USP6NL: variants seen among roughly 807,000 people sequenced by gnomAD.
USP6NL encodes USP6 N-terminal-like protein.
Under a neutral mutation model 61.9 loss-of-function variants are expected in USP6NL, and 26 were observed. The ratio of observed to expected loss-of-function variants is 0.42; its 90% CI spans 0.31 to 0.58. The LOEUF is 0.58. Among genes scored for constraint, USP6NL ranks in the 20% least tolerant of loss-of-function variants. The pLI, the probability that USP6NL is intolerant of heterozygous loss-of-function variation, is 0.16. For synonymous variants in USP6NL, 432 were observed against 390.1 expected (o/e 1.11, Z -1.27); for missense variants, 1,114 against 1,034.3 (o/e 1.08, Z -1.06).
At position 11,520,327 on chromosome 10, in the gene USP6NL, T is replaced by C. The variant is rs1357509237; in HGVS notation, c.156-1753A>G. Among the ~76,000 whole-genome samples, 3 of 152,248 alleles carry C rather than the reference T, an allele frequency of 2.0e-5. No homozygotes were observed. The highest frequency in any genetic ancestry group is 6.5e-5 in the Admixed American group (1 of 15,292). ...GCTTTCCTATACAGATGTTCTGGCATGATTTCTCCATATCTAAAACTTTTC... is the reference window on the plus strand; with the variant it reads ...GCTTTCCTATACAGATGTTCTGGCACGATTTCTCCATATCTAAAACTTTTC... On this transcript the variant is annotated intron_variant, in intron 4 of 14. Transcript: ENST00000609104. This position sits in a 1 kb window ranked among gnomAD's most constrained non-coding sequence, Gnocchi z 5.2.
chr10:11,518,507 C>T lies in USP6NL; in HGVS notation c.195+28G>A, dbSNP rs1284198304. ...TCTAATAAAGGCAATTCACCAGTAA[C>T]TGTAAATACATCAAGAGCAGGACTT... On this transcript the variant is annotated intron_variant, in intron 5 of 14. Coordinates refer to ENST00000609104, the MANE Select transcript of USP6NL (RefSeq NM_014688.5). The surrounding 1 kb of genome is among the most constrained non-coding windows in gnomAD (Gnocchi z 5.3). The T allele has an allele frequency of 6.2e-7, 1 of 1,604,316 alleles. No homozygotes were observed. The highest frequency in any genetic ancestry group is 2.2e-5 in the East Asian group (1 of 44,856).
intron 2 of USP6NL, among the ~76,000 whole-genome samples, chr10:11,579,781 A>G (rs1837677796): frequency 6.6e-6 from 1 of 152,038 alleles, no homozygotes; most frequent in South Asian, 2.1e-4. Flanking sequence ...CTAGATCTAC[A>G]GTCTGCAAAC....
At chr10:11,479,565 G>GT (rs398054117) in intron 14 of USP6NL, among the ~76,000 whole-genome samples, 21,397 of 129,518 alleles carry the variant, frequency 0.17, 1,797 homozygotes, top group Non-Finnish European at 0.21. Context: ...TCATGTAGGT[G>GT]TTTTTTTTTT....
At position 11,598,731 on chromosome 10, in the gene USP6NL, A is replaced by G. The variant is rs376442110; in HGVS notation, c.-83-1014T>C. Among the ~76,000 whole-genome samples, 11 of 152,328 alleles carry G rather than the reference A, an allele frequency of 7.2e-5. No individual in the cohort carries two copies. The East Asian group carries it at 1.5e-3, about 21-fold the overall frequency. On this transcript the variant is annotated intron_variant, in intron 1 of 14. Transcript: ENST00000609104. The surrounding 1 kb of genome is among the most constrained non-coding windows in gnomAD (Gnocchi z 4.7). ...AGAAAACAGTATACTACTACTAGAGACCTCTGCTTTAGAATCAAAGTTAGG... is the reference window on the plus strand; with the variant it reads ...AGAAAACAGTATACTACTACTAGAGGCCTCTGCTTTAGAATCAAAGTTAGG...
Position 11,482,538 on chromosome 10 carries a change from T to C in USP6NL, c.926-616A>G, listed in dbSNP as rs1010178937. Among the ~76,000 whole-genome samples the C allele has an allele frequency of 3.3e-5, 5 of 152,240 alleles. No homozygotes were observed. Among genetic ancestry groups the C allele is most frequent in the African/African-American group, 1.2e-4 (5 of 41,466 alleles). ...CCAGGTATTTACAAGTGTTTATGTA[T>C]ATCAATTGAAGAATCCAAATTATAC... is the stretch of plus-strand genomic sequence containing the variant. On this transcript the variant is annotated intron_variant, in intron 13 of 14. Transcript: ENST00000609104. This position sits in a 1 kb window ranked among gnomAD's most constrained non-coding sequence, Gnocchi z 4.0.
At chr10:11,567,670 T>C (rs1268471031) in intron 2 of USP6NL, among the ~76,000 whole-genome samples, 1 of 152,184 alleles carries the variant, frequency 6.6e-6, no homozygotes, top group Admixed American at 6.5e-5. Flanking sequence ...AACAAATTAT[T>C]AGCCATCTAA....
chr10:11,610,170 A>G (rs1450502809), intron 1 of USP6NL, among the ~76,000 whole-genome samples: 1 of 152,178 alleles, frequency 6.6e-6, no homozygotes, highest in Non-Finnish European at 1.5e-5. Context: ...TACTTTTATT[A>G]GTATAATTTT....
chr10:11,489,112 A>C lies in USP6NL; in HGVS notation c.654T>G (p.His218Gln), dbSNP rs1426722202. The C allele has an allele frequency of 6.2e-7, 1 of 1,613,762 alleles. No homozygotes were observed. The highest frequency in any genetic ancestry group is 1.1e-5 in the South Asian group (1 of 91,046). Residue 218 changes from histidine (H) to glutamine (Q), a missense_variant, in exon 10 of 15, where the codon CAT (histidine) becomes CAG (glutamine). Physicochemically the swap from His to Gln is conservative, Grantham distance 24 (BLOSUM62 0). Transcript: ENST00000609104. This position sits in a 1 kb window ranked among gnomAD's most constrained non-coding sequence, Gnocchi z 5.7. ...ALVKLFSGPK[H>Q]AMHGFFVQGF... Reference sequence around the variant, plus strand: ...ACAGGGTTTTCTTACCATGCATGGCATGTTTAGGGCCTGAGAAGAGTTTGA... The same window carrying C: ...ACAGGGTTTTCTTACCATGCATGGCCTGTTTAGGGCCTGAGAAGAGTTTGA...
At chr10:11,572,828 G>A (rs943908715) in intron 2 of USP6NL, among the ~76,000 whole-genome samples, 4 of 152,016 alleles carry the variant, frequency 2.6e-5, no homozygotes. Flanking sequence ...ATAATCAACT[G>A]ACTTGATGGC....
In USP6NL at chr10:11,553,934, G is replaced by A. The variant is rs1258362559; in HGVS notation, c.5-26367C>T. ...GATTAAAACAAGACAAGATGTTTAT[G>A]TCTCTCCTGATGTCTAAGAAATCTA... On this transcript the variant is annotated intron_variant, in intron 2 of 14. Coordinates refer to ENST00000609104, the MANE Select transcript of USP6NL (RefSeq NM_014688.5). The surrounding 1 kb of genome is among the most constrained non-coding windows in gnomAD (Gnocchi z 4.8). 6.6e-6 allele frequency among the ~76,000 whole-genome samples: 1 copy of A among 151,056 alleles called. No homozygotes were observed. The highest frequency in any genetic ancestry group is 2.4e-5 in the African/African-American group (1 of 41,104).
intron 1 of USP6NL, among the ~76,000 whole-genome samples, chr10:11,606,189 T>C (rs1415131310): frequency 6.6e-6 from 1 of 152,194 alleles, no homozygotes; most frequent in African/African-American, 2.4e-5. Flanking sequence ...GACTTCTGAA[T>C]AGAAACAATC....
Position 11,571,869 on chromosome 10 carries a change from C to CA in USP6NL, c.4+25761dup, listed in dbSNP as rs749166148. ...CTATGTATATACTTCCTGTTTTTCA[C>CA]AAAAAAAAAAACTGTCTGAAAAATT... On this transcript the variant is annotated intron_variant, in intron 2 of 14. Coordinates refer to ENST00000609104, the MANE Select transcript of USP6NL (RefSeq NM_014688.5). 9.4e-3 allele frequency among the ~76,000 whole-genome samples: 1,247 copies of CA among 132,698 alleles called. 13 individuals are homozygous for CA. Among genetic ancestry groups the CA allele is most frequent in the East Asian group, 0.032 (145 of 4,546 alleles). The allele number at this position is 132,698 out of a possible 152,430, so 87.1% of individuals were successfully genotyped here. A position where few individuals can be genotyped will look rare whatever the true frequency, so the allele number is the denominator to read the frequency against.
At position 11,568,149 on chromosome 10, in the gene USP6NL, TTGTGTGTGTGTG is replaced by T. The variant is rs35053647; in HGVS notation, c.4+29470_4+29481del. On this transcript the variant is annotated intron_variant, in intron 2 of 14. Transcript: ENST00000609104. The stretch of plus-strand genomic sequence containing the variant: ...TATCAATGTGTGTGTCGGGAGGTAG[TTGTGTGTGTGTG>T]TGTGTGTGTGTGTGCGCGCGCGCGT... 1.8e-3 allele frequency among the ~76,000 whole-genome samples: 273 copies of T among 149,708 alleles called. 1 individual carries two copies. The highest frequency in any genetic ancestry group is 6.5e-3 in the African/African-American group (265 of 40,754).
intron 2 of USP6NL, among the ~76,000 whole-genome samples, chr10:11,555,433 A>AAAAAATATAAAT (rs1275798295): frequency 2.0e-5 from 1 of 49,040 alleles, no homozygotes; most frequent in Non-Finnish European, 3.4e-5. Flanking sequence ...AAAAAAAAAA[A>AAAAAATATAAAT]ATATATATAT....
chr10:11,532,349 A>T lies in USP6NL; in HGVS notation c.5-4782T>A. 1.3e-6 allele frequency: 1 copy of T among 781,568 alleles called. No individual in the cohort carries two copies. Among genetic ancestry groups the T allele is most frequent in the Non-Finnish European group, 2.0e-6 (1 of 512,058 alleles). 48.4% of individuals were successfully genotyped at this position (781,568 alleles called of 1,614,324 possible). A position where few individuals can be genotyped will look rare whatever the true frequency, so the allele number is the denominator to read the frequency against. ...AACTAACTAAAACAAAGAAAGGCAG[A>T]GGCAGCTCTACTTTAAACTATCTGT... On this transcript the variant is annotated intron_variant, in intron 2 of 14. Coordinates refer to ENST00000609104, the MANE Select transcript of USP6NL (RefSeq NM_014688.5). The surrounding 1 kb of genome is among the most constrained non-coding windows in gnomAD (Gnocchi z 4.1).
At chr10:11,599,128 G>A (rs954411359) in intron 1 of USP6NL, among the ~76,000 whole-genome samples, 4 of 152,160 alleles carry the variant, frequency 2.6e-5, no homozygotes, top group African/African-American at 9.7e-5. Context: ...GTGCTTAACT[G>A]ACTATTTAGA....
At chr10:11,557,927 G>A (rs961389201) in intron 2 of USP6NL, among the ~76,000 whole-genome samples, 12 of 152,188 alleles carry the variant, frequency 7.9e-5, no homozygotes, top group Admixed American at 1.3e-4. Flanking sequence ...AATAGGTATG[G>A]AGAAGAAACG....
In USP6NL at chr10:11,505,264, A is replaced by G. The variant is rs76348003; in HGVS notation, c.277-4056T>C. On this transcript the variant is annotated intron_variant, in intron 6 of 14. Transcript: ENST00000609104. ...GTGGATAATGATGAGTCCAACAGTA[A>G]TAATGACAATTGTTAAAGAACACTT... Among the ~76,000 whole-genome samples, 391 of 152,348 alleles carry G rather than the reference A, an allele frequency of 2.6e-3. 2 individuals are homozygous for G. Among genetic ancestry groups the G allele is most frequent in the African/African-American group, 8.5e-3 (353 of 41,576 alleles).
intron 14 of USP6NL, among the ~76,000 whole-genome samples, chr10:11,477,601 C>T (rs1833024729): frequency 6.6e-6 from 1 of 152,048 alleles, no homozygotes; most frequent in African/African-American, 2.4e-5. Context: ...GGAAGGCTTC[C>T]AAATTATGAG....
Sources: gnomAD v4.1 joint callset for allele counts (sites outside exome capture counted in the v4.1 genomes callset) on GRCh38, gnomAD v4.1.1 for gene constraint, Gnocchi (gnomAD v3.1) non-coding constraint, MANE v1.5 for transcripts, NCBI Gene and HGNC (gene_info 2026-07-23, HGNC 2026-07-21) for gene names.